The following LRRC3 variants were observed in gnomAD, a reference collection of about 807,000 sequenced individuals.
LRRC3 encodes leucine-rich repeat-containing protein 3.
For missense variants in LRRC3, 351 were observed against 361.6 expected (o/e 0.97, Z 0.24); for synonymous variants, 172 against 164.1 (o/e 1.05, Z -0.37).
rs984808909 is a variant in LRRC3, at chr21:44,458,729, AGT to A, written c.*1314_*1315del. 11 of 166,644 alleles carry A rather than the reference AGT, an allele frequency of 6.6e-5. No homozygotes were observed. The highest frequency in any genetic ancestry group is 2.7e-4 in the African/African-American group (11 of 41,222). The allele number at this position is 166,644 out of a possible 1,614,324, so 10.3% of individuals were successfully genotyped here. A position where few individuals can be genotyped will look rare whatever the true frequency, so the allele number is the denominator to read the frequency against. ...TTTATTTTTTATTGTCCTTTTTATG[AGT>A]GTTTATATTTTAAAGTACTTTGAGT... On this transcript the variant is annotated 3_prime_UTR_variant, in exon 2 of 2. Transcript: ENST00000291592.
chr21:44,460,586 T>G lies in LRRC3; in HGVS notation c.*3168T>G, dbSNP rs1477207633. ...TGCGAGACAAGGCAGGGGGAGGGGA[T>G]AGGAAATTGGGGGTATTCTGTGACT... On this transcript the variant is annotated 3_prime_UTR_variant, in exon 2 of 2. Transcript: ENST00000291592. 1 of 151,816 alleles carries G rather than the reference T, an allele frequency of 6.6e-6. No homozygotes were observed. Among genetic ancestry groups the G allele is most frequent in the African/African-American group, 2.4e-5 (1 of 41,244 alleles). 9.4% of individuals were successfully genotyped at this position (151,816 alleles called of 1,614,324 possible).
At position 44,461,900 on chromosome 21, in the gene LRRC3, T is replaced by G. The variant is rs2051749431; in HGVS notation, c.*4482T>G. 1 of 152,508 alleles carries G rather than the reference T, an allele frequency of 6.6e-6. No homozygotes were observed. Among genetic ancestry groups the G allele is most frequent in the South Asian group, 2.1e-4 (1 of 4,834 alleles). 9.4% of individuals were successfully genotyped at this position (152,508 alleles called of 1,614,324 possible). ...GGCGGCGCGGAGTCCTGGACGCTCT[T>G]GGCAGGTCCCCTCATGGAGGATGTG... On this transcript the variant is annotated 3_prime_UTR_variant, in exon 2 of 2. Transcript: ENST00000291592.
Position 44,457,276 on chromosome 21 carries a change from T to C in LRRC3, c.632T>C (p.Met211Thr), listed in dbSNP as rs1188844893. 26 of 1,613,886 alleles carry C rather than the reference T, an allele frequency of 1.6e-5. No individual in the cohort carries two copies. Among genetic ancestry groups the C allele is most frequent in the Non-Finnish European group, 2.1e-5 (25 of 1,180,010 alleles). The change falls in exon 2 of 2, where the codon ATG becomes ACG. Residue 211 changes from methionine to threonine, a missense_variant. Physicochemically the swap from Met to Thr is moderately conservative, Grantham distance 81. Transcript: ENST00000291592. ...RTTDVAMLVT[M>T]FGWFAMVIAY... Reference sequence around the variant, plus strand: ...ACAGACGTGGCCATGCTGGTCACCATGTTCGGCTGGTTCGCCATGGTGATC... The same window carrying C: ...ACAGACGTGGCCATGCTGGTCACCACGTTCGGCTGGTTCGCCATGGTGATC...
chr21:44,456,970 C>A lies in LRRC3; in HGVS notation c.326C>A (p.Ala109Glu). The A allele has an allele frequency of 1.2e-6, 2 of 1,607,388 alleles. No individual in the cohort carries two copies. The highest frequency in any genetic ancestry group is 1.7e-6 in the Non-Finnish European group (2 of 1,179,874). Residue 109 changes from alanine (A) to glutamate (E), a missense_variant, in exon 2 of 2, where the codon GCG (alanine) becomes GAG (glutamate). By Grantham distance (107) the Ala-to-Glu change is moderately radical. Transcript: ENST00000291592. ...GAGGCCATCGGCTCCGCCACCTTCGCGGGCCTGGCCGGGGGCCTGCGGCTG... is the reference window on the plus strand; with the variant it reads ...GAGGCCATCGGCTCCGCCACCTTCGAGGGCCTGGCCGGGGGCCTGCGGCTG... ...AIEAIGSATF[A>E]GLAGGLRLLD...
chr21:44,456,611 G>A lies in LRRC3; in HGVS notation c.-34G>A, dbSNP rs752246959. ...AGCTCCATCCCCAGGCCCTAGCAGAGGCTCGCGTGTCCCCGTCCCCAGGTC... is the reference window on the plus strand; with the variant it reads ...AGCTCCATCCCCAGGCCCTAGCAGAAGCTCGCGTGTCCCCGTCCCCAGGTC... On this transcript the variant is annotated 5_prime_UTR_variant, in exon 2 of 2. Coordinates refer to ENST00000291592, the MANE Select transcript of LRRC3 (RefSeq NM_030891.6). 7 of 1,545,218 alleles carry A rather than the reference G, an allele frequency of 4.5e-6. No homozygotes were observed. The highest frequency in any genetic ancestry group is 5.2e-6 in the Non-Finnish European group (6 of 1,146,622).
rs1211449462 is a variant in LRRC3 at position 44,459,854 on chromosome 21, C to T, written c.*2436C>T. 1 of 152,176 alleles carries T rather than the reference C, an allele frequency of 6.6e-6. No individual in the cohort carries two copies. The highest frequency in any genetic ancestry group is 2.4e-5 in the African/African-American group (1 of 41,390). 9.4% of individuals were successfully genotyped at this position (152,176 alleles called of 1,614,324 possible). On this transcript the variant is annotated 3_prime_UTR_variant, in exon 2 of 2. Coordinates refer to ENST00000291592, the MANE Select transcript of LRRC3 (RefSeq NM_030891.6). ...GGTGAAGGTCTGCTGGGCCCCTGTCCACCTCCTGCTGGGAGGAGGAGATGG... is the reference window on the plus strand; with the variant it reads ...GGTGAAGGTCTGCTGGGCCCCTGTCTACCTCCTGCTGGGAGGAGGAGATGG...
At position 44,457,115 on chromosome 21, in the gene LRRC3, G is replaced by T; in HGVS notation, c.471G>T (p.Leu157=). The part of the protein sequence containing the change: ...LHCECALQEA[L]WELKLDPDSV... ...GCGAGTGCGCCCTGCAGGAGGCCCTGTGGGAGCTGAAGCTGGACCCCGACT... is the reference window on the plus strand; with the variant it reads ...GCGAGTGCGCCCTGCAGGAGGCCCTTTGGGAGCTGAAGCTGGACCCCGACT... Residue 157 remains leucine, a synonymous_variant, in exon 2 of 2, where the codon CTG becomes CTT. Transcript: ENST00000291592. 6.2e-7 allele frequency: 1 copy of T among 1,612,230 alleles called. No homozygotes were observed. The highest frequency in any genetic ancestry group is 8.5e-7 in the Non-Finnish European group (1 of 1,180,012).
rs1248464770 is a variant in LRRC3 at position 44,456,767 on chromosome 21, C to T, written c.123C>T (p.Asp41=). ...AACPQPCRCP[D]HAGAVAVFCS... ...GCCCACAGCCCTGCCGGTGCCCTGA[C>T]CACGCAGGGGCTGTGGCTGTCTTCT... The change falls in exon 2 of 2, where the codon GAC becomes GAT. Residue 41 remains aspartate, a synonymous_variant. Transcript: ENST00000291592. 3.7e-6 allele frequency: 6 copies of T among 1,610,786 alleles called. No homozygotes were observed. The East Asian group carries it at 1.1e-4, about 30-fold the overall frequency.
In LRRC3 at chr21:44,458,049, G is replaced by A. The variant is rs968112012; in HGVS notation, c.*631G>A. On this transcript the variant is annotated 3_prime_UTR_variant, in exon 2 of 2. Transcript: ENST00000291592. Reference sequence around the variant, plus strand: ...TACCCTTTTTTATTCTCAAATGTTTGTTTTGAGTAACCGTAGTGCCAAAAT... The same window carrying A: ...TACCCTTTTTTATTCTCAAATGTTTATTTTGAGTAACCGTAGTGCCAAAAT... The A allele has an allele frequency of 6.0e-6, 1 of 167,186 alleles. No individual in the cohort carries two copies. Among genetic ancestry groups the A allele is most frequent in the African/African-American group, 2.4e-5 (1 of 41,450 alleles). The allele number at this position is 167,186 out of a possible 1,614,324, so 10.4% of individuals were successfully genotyped here.
At position 44,458,087 on chromosome 21, in the gene LRRC3, A is replaced by G. The variant is rs2051720232; in HGVS notation, c.*669A>G. On this transcript the variant is annotated 3_prime_UTR_variant, in exon 2 of 2. Coordinates refer to ENST00000291592, the MANE Select transcript of LRRC3 (RefSeq NM_030891.6). ...GTAGTGCCAAAATTTCAGTTCAGTA[A>G]TGGGGTGAACAATATGGAGAGAGAC... is the stretch of plus-strand genomic sequence containing the variant. 6.0e-6 allele frequency: 1 copy of G among 166,926 alleles called. No individual in the cohort carries two copies. The highest frequency in any genetic ancestry group is 1.5e-5 in the Non-Finnish European group (1 of 68,210). 10.3% of individuals were successfully genotyped at this position (166,926 alleles called of 1,614,324 possible).
chr21:44,461,150 T>A lies in LRRC3; in HGVS notation c.*3732T>A, dbSNP rs1004982765. On this transcript the variant is annotated 3_prime_UTR_variant, in exon 2 of 2. Transcript: ENST00000291592. ...AGAGCCATCCTGATCCACAGGACCA[T>A]CCCTGGTGGGGTGGGGCCCCCTGGG... 15 of 152,620 alleles carry A rather than the reference T, an allele frequency of 9.8e-5. No homozygotes were observed. The highest frequency in any genetic ancestry group is 3.4e-4 in the African/African-American group (14 of 41,578). 9.5% of individuals were successfully genotyped at this position (152,620 alleles called of 1,614,324 possible).
rs2051746289 is a variant in LRRC3 at position 44,461,530 on chromosome 21, T to G, written c.*4112T>G. ...TGAGGTTGGGCTAAACCTGGACATG[T>G]GTTTCATAACCAAAGCAGCCAGGAA... is the stretch of plus-strand genomic sequence containing the variant. On this transcript the variant is annotated 3_prime_UTR_variant, in exon 2 of 2. Transcript: ENST00000291592. 1 of 152,252 alleles carries G rather than the reference T, an allele frequency of 6.6e-6. No individual in the cohort carries two copies. The highest frequency in any genetic ancestry group is 6.5e-5 in the Admixed American group (1 of 15,288). The allele number at this position is 152,252 out of a possible 1,614,324, so 9.4% of individuals were successfully genotyped here.
rs568833892 is a variant in LRRC3, at chr21:44,457,827, C to T, written c.*409C>T. The T allele has an allele frequency of 3.2e-5, 7 of 216,824 alleles. No homozygotes were observed. Among genetic ancestry groups the T allele is most frequent in the East Asian group, 2.7e-4 (2 of 7,298 alleles). The allele number at this position is 216,824 out of a possible 1,614,324, so 13.4% of individuals were successfully genotyped here. ...GAGGGAGCTTGGGTGCAGGTTCACC[C>T]GCTGAAGGCGCTGATAAGTCCTGTG... On this transcript the variant is annotated 3_prime_UTR_variant, in exon 2 of 2. Transcript: ENST00000291592.
intron 1 of LRRC3, among the ~76,000 whole-genome samples, chr21:44,455,943 C>T (rs573274271): frequency 2.0e-5 from 3 of 152,284 alleles, no homozygotes; most frequent in South Asian, 4.1e-4. Flanking sequence ...CCGGTGCGAG[C>T]CGCGGCTCCT....
chr21:44,456,535 G>A lies in LRRC3; in HGVS notation c.-110G>A. ...GGACTGCACTGCTTCTCCCAGCGGG[G>A]CAGGATGGCGGTTTCATGTCTGGTT... On this transcript the variant is annotated 5_prime_UTR_variant, in exon 2 of 2. Transcript: ENST00000291592. 1.7e-6 allele frequency: 2 copies of A among 1,172,886 alleles called. No homozygotes were observed. Among genetic ancestry groups the A allele is most frequent in the Non-Finnish European group, 1.2e-6 (1 of 833,186 alleles). 72.7% of individuals were successfully genotyped at this position (1,172,886 alleles called of 1,614,324 possible).
At chr21:44,456,157 G>T (rs1254998128) in intron 1 of LRRC3, among the ~76,000 whole-genome samples, 7 of 152,036 alleles carry the variant, frequency 4.6e-5, no homozygotes, top group African/African-American at 1.7e-4. Flanking sequence ...GGAGGGAGGG[G>T]CTGGGTGGTC....
At position 44,459,485 on chromosome 21, in the gene LRRC3, C is replaced by T. The variant is rs1016861388; in HGVS notation, c.*2067C>T. The T allele has an allele frequency of 9.9e-5, 15 of 152,248 alleles. No individual in the cohort carries two copies. The highest frequency in any genetic ancestry group is 7.2e-4 in the Admixed American group (11 of 15,292). 9.4% of individuals were successfully genotyped at this position (152,248 alleles called of 1,614,324 possible). ...AGGCCTAGGGTCACATGGTGATTGG[C>T]GTCCTCCTGCCACCCCTTCTCCATG... On this transcript the variant is annotated 3_prime_UTR_variant, in exon 2 of 2. Coordinates refer to ENST00000291592, the MANE Select transcript of LRRC3 (RefSeq NM_030891.6).
Position 44,457,344 on chromosome 21 carries a change from C to A in LRRC3, c.700C>A (p.Arg234=). 1 of 1,612,220 alleles carries A rather than the reference C, an allele frequency of 6.2e-7. No homozygotes were observed. The highest frequency in any genetic ancestry group is 8.5e-7 in the Non-Finnish European group (1 of 1,179,010). Residue 234 remains arginine (R), a synonymous_variant, in exon 2 of 2, where the codon CGG becomes AGG. Coordinates refer to ENST00000291592, the MANE Select transcript of LRRC3 (RefSeq NM_030891.6). ...TGTGCGCCACAACCAGGAGGATGCC[C>A]GGAGGCACCTGGAGTACCTGAAGTC... is the stretch of plus-strand genomic sequence containing the variant. ...YYVRHNQEDA[R]RHLEYLKSLP...
rs1386801515 is a variant in LRRC3 at position 44,457,352 on chromosome 21, C to T, written c.708C>T (p.His236=). ...VRHNQEDARR[H]LEYLKSLPSA... The stretch of plus-strand genomic sequence containing the variant: ...ACAACCAGGAGGATGCCCGGAGGCA[C>T]CTGGAGTACCTGAAGTCTCTGCCCA... Residue 236 remains histidine (H), a synonymous_variant, in exon 2 of 2, where the codon CAC becomes CAT. Transcript: ENST00000291592. The T allele has an allele frequency of 1.9e-6, 3 of 1,611,294 alleles. No homozygotes were observed. The highest frequency in any genetic ancestry group is 2.5e-6 in the Non-Finnish European group (3 of 1,178,338).
Sources: allele counts gnomAD v4.1 joint callset (sites outside exome capture counted in the v4.1 genomes callset), GRCh38; gene constraint gnomAD v4.1.1; transcripts MANE v1.5; gene names NCBI Gene and HGNC (gene_info 2026-07-23, HGNC 2026-07-21).